The following ZNF215 variants were observed in gnomAD, a reference collection of about 807,000 sequenced individuals.
The protein encoded by ZNF215 is zinc finger protein 215.
Under a neutral mutation model 27.2 loss-of-function variants are expected in ZNF215, and 24 were observed. The ratio of observed to expected loss-of-function variants is 0.88; its 90% CI spans 0.64 to 1.24. The LOEUF (loss-of-function observed/expected upper bound fraction) is 1.24. ZNF215 is among the 50% of genes most tolerant of loss of function. The pLI is 0.00. For synonymous variants in ZNF215, 210 were observed against 204.0 expected (o/e 1.03, Z -0.25); for missense variants, 675 against 605.7 (o/e 1.11, Z -1.20).
intron 5 of ZNF215, among the ~76,000 whole-genome samples, chr11:6,963,224 C>T (rs973640039): frequency 6.6e-6 from 1 of 151,800 alleles, no homozygotes; most frequent in Non-Finnish European, 1.5e-5. Context: ...TCAAGCTGTT[C>T]CCCCAACCCC....
downstream of ZNF215, among the ~76,000 whole-genome samples, chr11:6,990,711 C>T (rs1851105799): frequency 6.6e-6 from 1 of 152,152 alleles, no homozygotes; most frequent in Non-Finnish European, 1.5e-5. Context: ...TGGATATTAC[C>T]TAATTCTAAT....
intron 5 of ZNF215, among the ~76,000 whole-genome samples, chr11:6,978,966 TAG>T (rs1461212329): frequency 2.6e-5 from 4 of 152,040 alleles, no homozygotes; most frequent in Non-Finnish European, 5.9e-5. Context: ...ACTGCTAAGA[TAG>T]AGTTGCTGCC....
intron 6 of ZNF215, among the ~76,000 whole-genome samples, chr11:6,954,195 C>A (rs1330781478): frequency 1.4e-5 from 1 of 73,526 alleles, no homozygotes; most frequent in Non-Finnish European, 3.3e-5. Flanking sequence ...TTCAGGGACC[C>A]ACTTGAGGAG....
chr11:6,946,308 A>C (rs1182961766), intron 6 of ZNF215, among the ~76,000 whole-genome samples: 2 of 152,184 alleles, frequency 1.3e-5, no homozygotes, highest in African/African-American at 4.8e-5. Flanking sequence ...TATTGATTTC[A>C]GTATTGTTTA....
chr11:6,953,975 T>G (rs1850204030), intron 6 of ZNF215, among the ~76,000 whole-genome samples: 1 of 152,354 alleles, frequency 6.6e-6, no homozygotes, highest in South Asian at 2.1e-4. Flanking sequence ...CAGCTGCAGG[T>G]CTGTTGGAGT....
rs189939579 is a variant in ZNF215 at position 6,967,423 on chromosome 11, C to A, written c.805+11641C>A. Among the ~76,000 whole-genome samples, 11 of 152,336 alleles carry A rather than the reference C, an allele frequency of 7.2e-5. No individual in the cohort carries two copies. The East Asian group carries it at 2.1e-3, about 29-fold the overall frequency. On this transcript the variant is annotated intron_variant, in intron 5 of 5. Coordinates refer to the ZNF215 transcript ENST00000529903. Reference sequence around the variant, plus strand: ...TTGAACTAATTTACACTCCCACCAACAGTGCAAAAGCATTCCTATTTCTCC... The same window carrying A: ...TTGAACTAATTTACACTCCCACCAAAAGTGCAAAAGCATTCCTATTTCTCC...
At chr11:6,949,631 AGCCCT>A (rs1318625498) in intron 6 of ZNF215, among the ~76,000 whole-genome samples, 2 of 152,108 alleles carry the variant, frequency 1.3e-5, no homozygotes, top group African/African-American at 4.8e-5. Context: ...TCTGGATATT[AGCCCT>A]TTGTCAGATG....
chr11:6,943,588 G>A lies in ZNF215; in HGVS notation c.659G>A (p.Ser220Asn), dbSNP rs776389786. 1.9e-6 allele frequency: 3 copies of A among 1,613,836 alleles called. No individual in the cohort carries two copies. The highest frequency in any genetic ancestry group is 1.1e-5 in the South Asian group (1 of 91,080). Reference protein sequence around the residue: ...SKPFESLKLESKKKRWIMEKE... With the variant: ...SKPFESLKLENKKKRWIMEKE... Reference sequence around the variant, plus strand: ...CCATTTGAGAGCCTTAAGTTGGAGAGTAAGAAAAAAAGATGGATAATGGAG... The same window carrying A: ...CCATTTGAGAGCCTTAAGTTGGAGAATAAGAAAAAAAGATGGATAATGGAG... The change falls in exon 6 of 7, where the codon AGT becomes AAT. Residue 220 changes from serine (S) to asparagine (N), a missense_variant. Physicochemically the swap from Ser to Asn is conservative, Grantham distance 46. Transcript: ENST00000278319.
chr11:6,954,139 C>A (rs1590068949), intron 6 of ZNF215, among the ~76,000 whole-genome samples: 1 of 152,180 alleles, frequency 6.6e-6, no homozygotes, highest in African/African-American at 2.4e-5. Context: ...TGTCAGTCTG[C>A]CCCTACTGGG....
At chr11:6,961,816 C>A (rs1457822877), downstream of ZNF215, among the ~76,000 whole-genome samples, 2 of 152,114 alleles carry the variant, frequency 1.3e-5, no homozygotes, top group Non-Finnish European at 2.9e-5. Flanking sequence ...CAACCACTTG[C>A]ACTCTCGACA....
At chr11:6,981,551 T>C (rs901962120) in intron 5 of ZNF215, among the ~76,000 whole-genome samples, 64 of 152,140 alleles carry the variant, frequency 4.2e-4, no homozygotes, top group Middle Eastern at 3.4e-3. Context: ...TTCTCCCATT[T>C]TGTAGGTTGC....
rs1364223337 is a variant in ZNF215 at position 6,926,699 on chromosome 11, C to CG, written c.-326+17dup. 1 of 152,254 alleles carries CG rather than the reference C, an allele frequency of 6.6e-6. No homozygotes were observed. Among genetic ancestry groups the CG allele is most frequent in the East Asian group, 1.9e-4 (1 of 5,184 alleles). The allele number at this position is 152,254 out of a possible 1,614,324, so 9.4% of individuals were successfully genotyped here. The stretch of plus-strand genomic sequence containing the variant: ...GAACTGGCGCTTGTGAGTGACTGAA[C>CG]GGGCCACTGGAGAGGAGCGGTGCTC... On this transcript the variant is annotated intron_variant, in intron 1 of 6. Coordinates refer to ENST00000278319, the MANE Select transcript of ZNF215 (RefSeq NM_013250.4).
intron 2 of ZNF215, among the ~76,000 whole-genome samples, chr11:6,931,724 AAGGTTTTTCAGTCATATCT>A (rs1849271671): frequency 6.6e-6 from 1 of 152,216 alleles, no homozygotes; most frequent in Non-Finnish European, 1.5e-5. Flanking sequence ...AACTTTGGGT[AAGGTTTTTCAGTCATATCT>A]ATTCTGAAAC....
At position 6,977,155 on chromosome 11, in the gene ZNF215, C is replaced by G. The variant is rs978819660; in HGVS notation, c.806-6974C>G. ...AAATGTGACTGCACAGTAGTCCCCC[C>G]TTTTCCATGGTTTCACTTTCTGTGT... On this transcript the variant is annotated intron_variant, in intron 5 of 5. Transcript: ENST00000529903. Among the ~76,000 whole-genome samples, 13 of 152,150 alleles carry G rather than the reference C, an allele frequency of 8.5e-5. No homozygotes were observed. In the South Asian group the frequency reaches 2.3e-3, roughly 27 times the overall value.
chr11:6,958,626 G>T (rs567512338), downstream of ZNF215, among the ~76,000 whole-genome samples: 1 of 152,156 alleles, frequency 6.6e-6, no homozygotes, highest in East Asian at 1.9e-4. Flanking sequence ...ATATAAAGGG[G>T]AGTTTATTAA....
chr11:6,934,892 T>C (rs1849381404), intron 3 of ZNF215, among the ~76,000 whole-genome samples: 1 of 152,182 alleles, frequency 6.6e-6, no homozygotes, highest in Non-Finnish European at 1.5e-5. Flanking sequence ...ATGTGATCAT[T>C]ATAGCCTATT....
intron 5 of ZNF215, among the ~76,000 whole-genome samples, chr11:6,973,114 T>C (rs1232691279): frequency 6.6e-6 from 1 of 152,228 alleles, no homozygotes; most frequent in African/African-American, 2.4e-5. Context: ...TTCTCATTGC[T>C]CAATTCCCAC....
chr11:6,992,934 A>G (rs768024802), downstream of ZNF215, among the ~76,000 whole-genome samples: 14 of 152,218 alleles, frequency 9.2e-5, no homozygotes, highest in Non-Finnish European at 1.8e-4. Context: ...CTAAGGAAGC[A>G]GTTTAGTAAT....
intron 5 of ZNF215, among the ~76,000 whole-genome samples, chr11:6,972,778 C>G (rs558599956): frequency 1.3e-5 from 2 of 152,188 alleles, no homozygotes; most frequent in East Asian, 3.9e-4. Context: ...AAATGATTAT[C>G]AAGACAGTAT....
Sources: allele counts gnomAD v4.1 joint callset (sites outside exome capture counted in the v4.1 genomes callset), GRCh38; gene constraint gnomAD v4.1.1; transcripts MANE v1.5; gene names NCBI Gene and HGNC (gene_info 2026-07-23, HGNC 2026-07-21).